The following SCOC variants were observed in gnomAD, a reference collection of about 807,000 sequenced individuals.
SCOC encodes short coiled-coil protein.
In SCOC, 7 loss-of-function variants were observed where a neutral mutation model predicts 9.9. The ratio of observed to expected loss-of-function variants is 0.71; its 90% confidence interval spans 0.40 to 1.33. SCOC has a LOEUF of 1.33. Ranked by LOEUF, SCOC falls within the 40% of genes most tolerant of loss-of-function variation. SCOC has a pLI of 0.01. For missense variants in SCOC, 66 were observed against 89.7 expected (o/e 0.74, Z 1.07); for synonymous variants, 19 against 28.2 (o/e 0.67, Z 1.03).
intron 1 of SCOC, among the ~76,000 whole-genome samples, chr4:140,324,947 T>G (rs1334288935): frequency 6.6e-6 from 1 of 152,014 alleles, no homozygotes; most frequent in Admixed American, 6.6e-5. Flanking sequence ...AAACCTATAC[T>G]AATCAAGACA....
At chr4:140,380,941 G>T (rs199673483) in intron 3 of SCOC, 21 bp from the exon 4 acceptor site, 4 of 1,487,540 alleles carry the variant, frequency 2.7e-6, no homozygotes, top group East Asian at 4.8e-5. Context: ...TTGATAATGG[G>T]CATTTTTATT....
intron 1 of SCOC, among the ~76,000 whole-genome samples, chr4:140,318,807 A>G (rs1732408690): frequency 6.6e-6 from 1 of 151,992 alleles, no homozygotes; most frequent in Non-Finnish European, 1.5e-5. Flanking sequence ...ATTATTCACA[A>G]TAGCAAAGAC....
At chr4:140,374,364 A>G (rs1189028488) in intron 1 of SCOC, 2 of 336,468 alleles carry the variant, frequency 5.9e-6, no homozygotes, top group Non-Finnish European at 1.2e-5. Context: ...ATTACGCAAC[A>G]ATAAGGACAG....
intron 1 of SCOC, chr4:140,374,019 G>C: frequency 1.7e-6 from 1 of 573,368 alleles, no homozygotes; most frequent in Non-Finnish European, 3.3e-6. Context: ...CTCCTGGGTC[G>C]GGAGCCGCTT....
At chr4:140,282,608 T>G (rs1731127123) in intron 1 of SCOC, among the ~76,000 whole-genome samples, 2 of 152,226 alleles carry the variant, frequency 1.3e-5, no homozygotes, top group African/African-American at 4.8e-5. Context: ...GTGCTAATGC[T>G]AAAGTCAAAC....
intron 1 of SCOC, among the ~76,000 whole-genome samples, chr4:140,325,916 C>T (rs539724805): frequency 1.2e-4 from 19 of 152,206 alleles, no homozygotes; most frequent in African/African-American, 3.1e-4. Context: ...TCATTCCAAA[C>T]GAGAAACAGC....
intron 1 of SCOC, chr4:140,283,822 T>C (rs1731156220): frequency 6.6e-6 from 1 of 152,142 alleles, no homozygotes; most frequent in South Asian, 2.1e-4. Context: ...TTTGTAGCAG[T>C]TTTAGCATCA....
chr4:140,369,791 A>C (rs67006615), upstream of SCOC, among the ~76,000 whole-genome samples: 17,691 of 150,316 alleles, frequency 0.12, 1,115 homozygotes, highest in East Asian at 0.21. Context: ...CCTTATAATC[A>C]AATATTTCTA....
chr4:140,286,580 C>T (rs1266366363), intron 1 of SCOC, among the ~76,000 whole-genome samples: 1 of 152,232 alleles, frequency 6.6e-6, no homozygotes, highest in African/African-American at 2.4e-5. Flanking sequence ...CCAGCCTGCT[C>T]ATTTAAAATG....
chr4:140,284,987 A>G (rs1275696376), intron 1 of SCOC: 3 of 281,140 alleles, frequency 1.1e-5, no homozygotes, highest in African/African-American at 2.2e-5. Flanking sequence ...ATTCATTCCA[A>G]TTGAAAACTC....
At position 140,385,092 on chromosome 4, in the gene SCOC, A is replaced by G. The variant is rs919745894; in HGVS notation, c.*3988A>G. On this transcript the variant is annotated 3_prime_UTR_variant, in exon 4 of 4. Transcript: ENST00000608372. ...GCATCCCAAATAGTTTAAGGCACCC[A>G]TTTTCCCCACTGTTTCCCAATACAA... 2 of 152,076 alleles carry G rather than the reference A, an allele frequency of 1.3e-5. No homozygotes were observed. Among genetic ancestry groups the G allele is most frequent in the Admixed American group, 6.6e-5 (1 of 15,260 alleles). The allele number at this position is 152,076 out of a possible 1,614,324, so 9.4% of individuals were successfully genotyped here.
At chr4:140,278,881 G>C (rs1411947880) in intron 1 of SCOC, among the ~76,000 whole-genome samples, 1 of 132,572 alleles carries the variant, frequency 7.5e-6, no homozygotes, top group Non-Finnish European at 1.5e-5. Flanking sequence ...AACCCCATCT[G>C]TTCTTCTTGA....
intron 1 of SCOC, among the ~76,000 whole-genome samples, chr4:140,262,593 G>A (rs1730655509): frequency 1.3e-5 from 2 of 152,138 alleles, no homozygotes; most frequent in Non-Finnish European, 2.9e-5. Context: ...TAGGAGCAGA[G>A]GAAAGCGAGG....
intron 1 of SCOC, among the ~76,000 whole-genome samples, chr4:140,322,000 G>A (rs1316716491): frequency 6.6e-6 from 1 of 152,174 alleles, no homozygotes; most frequent in Non-Finnish European, 1.5e-5. Flanking sequence ...CTCCTGCCAT[G>A]TGAGGATGCA....
At chr4:140,302,185 G>A (rs1731832148) in intron 1 of SCOC, among the ~76,000 whole-genome samples, 1 of 152,148 alleles carries the variant, frequency 6.6e-6, no homozygotes. Flanking sequence ...CAAGGAACAT[G>A]CGTTTGATTT....
chr4:140,366,130 C>A, intron 2 of SCOC: 1 of 434,348 alleles, frequency 2.3e-6, no homozygotes, highest in Non-Finnish European at 4.1e-6. Flanking sequence ...CCATGAGCAG[C>A]CTAGCATTTT....
chr4:140,267,398 G>T (rs564011189), intron 1 of SCOC, among the ~76,000 whole-genome samples: 1 of 152,222 alleles, frequency 6.6e-6, no homozygotes, highest in Non-Finnish European at 1.5e-5. Context: ...AGACTGCGGA[G>T]ATCTGAGTGA....
At chr4:140,266,821 A>G (rs948368967) in intron 1 of SCOC, among the ~76,000 whole-genome samples, 3 of 152,214 alleles carry the variant, frequency 2.0e-5, no homozygotes, top group Non-Finnish European at 4.4e-5. Context: ...AAAGGGAGGA[A>G]GGGAGAAAGA....
intron 1 of SCOC, among the ~76,000 whole-genome samples, chr4:140,310,844 C>T (rs1732136091): frequency 6.6e-6 from 1 of 152,190 alleles, no homozygotes; most frequent in African/African-American, 2.4e-5. Context: ...GGGTTAGGAG[C>T]CAGCTCTGCT....
Sources: allele counts gnomAD v4.1 joint callset (sites outside exome capture counted in the v4.1 genomes callset), GRCh38; gene constraint gnomAD v4.1.1; transcripts MANE v1.5; gene names NCBI Gene and HGNC (gene_info 2026-07-23, HGNC 2026-07-21).